Variants in MAP3K19 observed in about 807,000 individuals in gnomAD.
The protein encoded by MAP3K19 is mitogen-activated protein kinase kinase kinase 19, also known as SPS1/STE20-related protein kinase YSK4.
A neutral mutation model predicts 114.4 loss-of-function variants in MAP3K19; 91 were observed. The observed-to-expected ratio is 0.80, with a 90% CI of 0.67 to 0.95. The LOEUF (loss-of-function observed/expected upper bound fraction) is 0.95. Among genes scored for constraint, MAP3K19 ranks in the 40% least tolerant of loss-of-function variants. The pLI is 0.00. For missense variants in MAP3K19, 1,471 were observed against 1,573.2 expected (o/e 0.94, Z 1.10); for synonymous variants, 518 against 530.5 (o/e 0.98, Z 0.32).
intron 12 of MAP3K19, among the ~76,000 whole-genome samples, chr2:134,968,276 G>A (rs1298783178): frequency 6.6e-6 from 1 of 152,018 alleles, no homozygotes; most frequent in African/African-American, 2.4e-5. Context: ...CACAGACACG[G>A]CAACCATCCG....
Position 134,981,002 on chromosome 2 carries a change from T to G in MAP3K19, c.3739A>C (p.Lys1247Gln), listed in dbSNP as rs1196477513. Reference protein sequence around the residue: ...EVINESGYGRKSDIWSIGCTV... With the variant: ...EVINESGYGRQSDIWSIGCTV... Reference sequence around the variant, plus strand: ...CAACCAATGCTCCAGATATCTGATTTCCGTCCATAGCCAGACTCATTGATG... The same window carrying G: ...CAACCAATGCTCCAGATATCTGATTGCCGTCCATAGCCAGACTCATTGATG... The change falls in exon 12 of 13, where the codon AAA (lysine) becomes CAA (glutamine). Residue 1247 changes from lysine to glutamine, a missense_variant. By Grantham distance (53) the Lys-to-Gln change is moderately conservative (BLOSUM62 1). Transcript: ENST00000392915. The G allele has an allele frequency of 6.2e-7, 1 of 1,614,190 alleles. No individual in the cohort carries two copies. Among genetic ancestry groups the G allele is most frequent in the East Asian group, 2.2e-5 (1 of 44,882 alleles).
At chr2:134,982,787 G>A (rs1322639748) in intron 11 of MAP3K19, among the ~76,000 whole-genome samples, 1 of 152,172 alleles carries the variant, frequency 6.6e-6, no homozygotes, top group Non-Finnish European at 1.5e-5. Flanking sequence ...CCATTGTGAT[G>A]TAATCTCAGT....
At chr2:135,013,728 G>C (rs1042012090) in intron 5 of MAP3K19, among the ~76,000 whole-genome samples, 1 of 151,984 alleles carries the variant, frequency 6.6e-6, no homozygotes, top group African/African-American at 2.4e-5. Context: ...AACAATATCT[G>C]TTCTGTTTCC....
chr2:134,972,593 A>G (rs1683956841), intron 12 of MAP3K19, among the ~76,000 whole-genome samples: 1 of 151,472 alleles, frequency 6.6e-6, no homozygotes. Context: ...CAAGTGACCT[A>G]GCTAGCTAAT....
chr2:134,970,855 A>C (rs1156944831), intron 12 of MAP3K19, among the ~76,000 whole-genome samples: 1 of 152,094 alleles, frequency 6.6e-6, no homozygotes, highest in Non-Finnish European at 1.5e-5. Context: ...CCTTAGCCCC[A>C]CAAAGTGCTG....
rs1188650272 is a variant in MAP3K19, at chr2:134,964,908, T to C, written c.3929A>G (p.His1310Arg). Residue 1310 changes from histidine (H) to arginine (R), a missense_variant, in exon 13 of 13, where the codon CAT (histidine) becomes CGT (arginine). Physicochemically the swap from His to Arg is conservative, Grantham distance 29 (BLOSUM62 0). Transcript: ENST00000392915. Reference sequence around the variant, plus strand: ...GAGCTGGAGAGCAGAAGGTCGCTCATGCTGGTCCCTAAGAAGGGAAAAACA... The same window carrying C: ...GAGCTGGAGAGCAGAAGGTCGCTCACGCTGGTCCCTAAGAAGGGAAAAACA... Reference protein sequence around the residue: ...FVRMCLTRDQHERPSALQLLK... With the variant: ...FVRMCLTRDQRERPSALQLLK... The C allele has an allele frequency of 1.2e-6, 2 of 1,612,636 alleles. No homozygotes were observed.
chr2:135,001,856 A>G (rs557143837), intron 6 of MAP3K19, among the ~76,000 whole-genome samples: 17 of 152,372 alleles, frequency 1.1e-4, no homozygotes, highest in Middle Eastern at 3.4e-3. Flanking sequence ...TTTTCAAACC[A>G]AGAAACAAAG....
At chr2:134,974,314 A>G (rs559209348) in intron 12 of MAP3K19, among the ~76,000 whole-genome samples, 52 of 152,166 alleles carry the variant, frequency 3.4e-4, no homozygotes, top group Middle Eastern at 6.8e-3. Context: ...AACTTTTAAT[A>G]TATTATCTCA....
At chr2:135,032,161 AG>A (rs1327459204) in intron 2 of MAP3K19, among the ~76,000 whole-genome samples, 2 of 152,138 alleles carry the variant, frequency 1.3e-5, no homozygotes, top group African/African-American at 4.8e-5. Context: ...GTTCAAGACC[AG>A]CCTGGCCAAG....
At position 134,983,716 on chromosome 2, in the gene MAP3K19, C is replaced by T. The variant is rs1373062170; in HGVS notation, c.3182G>A (p.Trp1061Ter). 6.3e-7 allele frequency: 1 copy of T among 1,592,522 alleles called. No homozygotes were observed. Residue 1061 changes from tryptophan (W) to a stop codon, truncating the protein, a stop_gained, in exon 11 of 13, where the codon TGG (tryptophan) becomes TAG (stop). Transcript: ENST00000392915. LOFTEE classifies it high-confidence loss of function. Reference protein sequence around the residue: ...NSLKSEEPILWTKGEILGKGA... With the variant: ...NSLKSEEPIL ...CTTTCCAAGAATCTCACCCTTGGTCCATAGGATAGGTTCTTCAGACTTTAA... is the reference window on the plus strand; with the variant it reads ...CTTTCCAAGAATCTCACCCTTGGTCTATAGGATAGGTTCTTCAGACTTTAA...
chr2:134,984,254 C>G (rs1283038981), intron 10 of MAP3K19, among the ~76,000 whole-genome samples: 1 of 152,148 alleles, frequency 6.6e-6, no homozygotes, highest in Non-Finnish European at 1.5e-5. Context: ...TAAACACAGA[C>G]AAGTTCAGAA....
In MAP3K19 at chr2:135,024,667, T is replaced by G; in HGVS notation, c.-20A>C. 1 of 1,612,018 alleles carries G rather than the reference T, an allele frequency of 6.2e-7. No homozygotes were observed. The highest frequency in any genetic ancestry group is 8.5e-7 in the Non-Finnish European group (1 of 1,178,204). On this transcript the variant is annotated 5_prime_UTR_variant, in exon 4 of 13. Transcript: ENST00000392915. Reference sequence around the variant, plus strand: ...ACTCATTAAAATGTCCAAAAGCTGCTGTTTCTTTGAACTCTCTATTTGTGA... The same window carrying G: ...ACTCATTAAAATGTCCAAAAGCTGCGGTTTCTTTGAACTCTCTATTTGTGA...
At chr2:134,981,548 T>A in intron 11 of MAP3K19, 30 bp from the exon 12 acceptor site, 1 of 1,500,636 alleles carries the variant, frequency 6.7e-7, no homozygotes, top group Non-Finnish European at 9.1e-7. Flanking sequence ...ACCTTGTTAT[T>A]AAATTAATGA....
chr2:135,040,060 A>C (rs1303089526), intron 2 of MAP3K19, among the ~76,000 whole-genome samples: 1 of 152,206 alleles, frequency 6.6e-6, no homozygotes. Flanking sequence ...TTGAGGGTCC[A>C]TCATGTGGCG....
intron 12 of MAP3K19, among the ~76,000 whole-genome samples, chr2:134,974,264 G>A (rs1257613753): frequency 6.6e-6 from 1 of 152,192 alleles, no homozygotes; most frequent in Non-Finnish European, 1.5e-5. Flanking sequence ...GCCTTCCAAA[G>A]TGCTGGGATT....
chr2:135,020,985 A>G (rs1687934607), intron 5 of MAP3K19, among the ~76,000 whole-genome samples: 1 of 152,226 alleles, frequency 6.6e-6, no homozygotes, highest in African/African-American at 2.4e-5. Flanking sequence ...CGGCTAGCCT[A>G]GACTTCCTTT....
intron 5 of MAP3K19, among the ~76,000 whole-genome samples, chr2:135,015,338 A>T (rs1687511610): frequency 6.6e-6 from 1 of 152,174 alleles, no homozygotes; most frequent in Admixed American, 6.5e-5. Context: ...CCATTTAGAC[A>T]TCTTTTTTTT....
At chr2:134,972,405 T>C (rs900053534) in intron 12 of MAP3K19, among the ~76,000 whole-genome samples, 4 of 152,186 alleles carry the variant, frequency 2.6e-5, no homozygotes, top group Non-Finnish European at 5.9e-5. Context: ...GATCTTTATT[T>C]CTTTTTTTCT....
At position 134,987,608 on chromosome 2, in the gene MAP3K19, A is replaced by T. The variant is rs1685241627; in HGVS notation, c.1264T>A (p.Leu422Ile). The T allele has an allele frequency of 2.5e-6, 4 of 1,613,982 alleles. No individual in the cohort carries two copies. The South Asian group carries it at 4.4e-5, about 18-fold the overall frequency. ...GGTTCCATTGCTTCATTTTTATGTAATGAAACTCTTTTTGAAGCAGCTTTA... is the reference window on the plus strand; with the variant it reads ...GGTTCCATTGCTTCATTTTTATGTATTGAAACTCTTTTTGAAGCAGCTTTA... ...NNKAASKRVS[L>I]HKNEAMEPNN... Residue 422 changes from leucine to isoleucine, a missense_variant, in exon 10 of 13, where the codon TTA becomes ATA. By Grantham distance (5) the Leu-to-Ile change is conservative (BLOSUM62 2). Coordinates refer to ENST00000392915, the MANE Select transcript of MAP3K19 (RefSeq NM_025052.5).
Sources: allele counts gnomAD v4.1 joint callset (sites outside exome capture counted in the v4.1 genomes callset), GRCh38; gene constraint gnomAD v4.1.1; transcripts MANE v1.5; gene names NCBI Gene and HGNC (gene_info 2026-07-23, HGNC 2026-07-21).